The following CDKAL1 variants were observed in gnomAD, a reference collection of about 807,000 sequenced individuals.
CDKAL1 encodes the protein threonylcarbamoyladenosine tRNA methylthiotransferase.
CDKAL1 carries 32 observed loss-of-function variants against 68.2 expected under a neutral mutation model. The observed-to-expected ratio is 0.47, with a 90% CI of 0.35 to 0.63. The LOEUF is 0.63. Among genes scored for constraint, CDKAL1 ranks in the 30% least tolerant of loss-of-function variants. CDKAL1 has a pLI of 0.00. For synonymous variants in CDKAL1, 234 were observed against 244.3 expected, an observed-to-expected ratio of 0.96 and a Z score of 0.39; for missense variants, 606 against 696.7, an observed-to-expected ratio of 0.87 and a Z score of 1.47.
chr6:21,145,111 A>C (rs1776104407), intron 13 of CDKAL1, among the ~76,000 whole-genome samples: 2 of 152,170 alleles, frequency 1.3e-5, no homozygotes, highest in Non-Finnish European at 1.5e-5. Context: ...GCTGGGTGGC[A>C]TGGAGCTCAT....
intron 13 of CDKAL1, among the ~76,000 whole-genome samples, chr6:21,188,075 G>T (rs1344620911): frequency 6.6e-6 from 1 of 152,018 alleles, no homozygotes; most frequent in African/African-American, 2.4e-5. Flanking sequence ...TTGTTTTTCT[G>T]TTGGGAACAT....
At chr6:20,868,473 G>A (rs893373374) in intron 9 of CDKAL1, among the ~76,000 whole-genome samples, 1 of 152,212 alleles carries the variant, frequency 6.6e-6, no homozygotes, top group African/African-American at 2.4e-5. Context: ...ACTTATTTCA[G>A]TATGTCCTTG....
At chr6:20,999,701 G>A (rs1767326209) in intron 10 of CDKAL1, among the ~76,000 whole-genome samples, 1 of 142,504 alleles carries the variant, frequency 7.0e-6, no homozygotes, top group Non-Finnish European at 1.5e-5. Flanking sequence ...AGAAACAGGT[G>A]AGTTGTAGAG....
At chr6:20,862,435 C>A (rs1031984225) in intron 9 of CDKAL1, among the ~76,000 whole-genome samples, 1 of 152,168 alleles carries the variant, frequency 6.6e-6, no homozygotes, top group South Asian at 2.1e-4. Context: ...AAGGATAAAG[C>A]ATACTTACTA....
At chr6:20,837,937 TTGTGTGTGTGTGTGTGTGTGTGTGTGTG>T (rs531904726) in intron 8 of CDKAL1, among the ~76,000 whole-genome samples, 1 of 123,174 alleles carries the variant, frequency 8.1e-6, no homozygotes, top group Non-Finnish European at 1.7e-5. Flanking sequence ...TGGGAAGAAA[TTGTGTGTGTGTGTGTGTGTGTGTGTGTG>T]TGTGTGTGTG....
chr6:20,802,271 C>G (rs1776396561), intron 8 of CDKAL1, among the ~76,000 whole-genome samples: 1 of 150,876 alleles, frequency 6.6e-6, no homozygotes, highest in African/African-American at 2.4e-5. Context: ...GCACTCCAGC[C>G]TGGCAACAAA....
In CDKAL1 at chr6:21,178,652, A is replaced by T. The variant is rs570212661; in HGVS notation, c.1300-19369A>T. Among the ~76,000 whole-genome samples the T allele has an allele frequency of 5.9e-5, 9 of 152,310 alleles. 1 individual carries two copies. The South Asian group carries it at 1.7e-3, about 28-fold the overall frequency. ...AATGATCCCCCCACAAAAGTTTCCA[A>T]ATTATAACTTAGTCTCTTGTACCAC... On this transcript the variant is annotated intron_variant, in intron 13 of 15. Coordinates refer to ENST00000274695, the MANE Select transcript of CDKAL1 (RefSeq NM_017774.3).
chr6:20,745,191 A>G (rs1449709907), intron 6 of CDKAL1, among the ~76,000 whole-genome samples: 5 of 152,224 alleles, frequency 3.3e-5, no homozygotes, highest in Non-Finnish European at 7.3e-5. Context: ...CTAATCTCGA[A>G]AAGTGAAACA....
intron 7 of CDKAL1, among the ~76,000 whole-genome samples, chr6:20,761,864 T>G (rs1774483462): frequency 6.6e-6 from 1 of 152,186 alleles, no homozygotes; most frequent in Non-Finnish European, 1.5e-5. Flanking sequence ...ATATATTTGT[T>G]TAAATCCTTA....
intron 4 of CDKAL1, among the ~76,000 whole-genome samples, chr6:20,644,868 C>G (rs936132315): frequency 6.6e-6 from 1 of 152,158 alleles, no homozygotes; most frequent in Non-Finnish European, 1.5e-5. Flanking sequence ...GGAATTTGTT[C>G]TGAGAAATGT....
chr6:20,753,444 T>C (rs1270095675), intron 6 of CDKAL1, among the ~76,000 whole-genome samples: 5 of 152,208 alleles, frequency 3.3e-5, no homozygotes, highest in African/African-American at 9.6e-5. Flanking sequence ...TTCTTACCAT[T>C]GTGTATCAGC....
chr6:20,542,239 G>C (rs1224792006), intron 2 of CDKAL1, among the ~76,000 whole-genome samples: 2 of 152,224 alleles, frequency 1.3e-5, no homozygotes, highest in African/African-American at 4.8e-5. Context: ...AAATTCATCA[G>C]AAAGCTTTGA....
chr6:20,649,558 T>C (rs965431976), intron 5 of CDKAL1, among the ~76,000 whole-genome samples, 181 bp downstream of exon 5: 5 of 152,230 alleles, frequency 3.3e-5, no homozygotes, highest in Non-Finnish European at 4.4e-5. Flanking sequence ...TTTTATTTTT[T>C]ATTTTTAAAT....
intron 5 of CDKAL1, among the ~76,000 whole-genome samples, chr6:20,649,798 TGTAA>T (rs1460137910): frequency 6.6e-6 from 1 of 152,170 alleles, no homozygotes; most frequent in Non-Finnish European, 1.5e-5. Flanking sequence ...AGCTCCCACT[TGTAA>T]GTGAGAACAT....
intron 6 of CDKAL1, among the ~76,000 whole-genome samples, chr6:20,753,356 T>C (rs1581511387): frequency 6.6e-6 from 1 of 152,104 alleles, no homozygotes; most frequent in African/African-American, 2.4e-5. Flanking sequence ...TAACAAACTT[T>C]AATCAATGAT....
intron 9 of CDKAL1, among the ~76,000 whole-genome samples, chr6:20,886,306 A>G (rs939524962): frequency 1.3e-5 from 2 of 152,234 alleles, no homozygotes; most frequent in Non-Finnish European, 2.9e-5. Flanking sequence ...AAAATGGTGC[A>G]GCTACTGTGG....
intron 12 of CDKAL1, among the ~76,000 whole-genome samples, chr6:21,081,518 G>A (rs1426130256): frequency 6.6e-6 from 1 of 151,214 alleles, no homozygotes; most frequent in Non-Finnish European, 1.5e-5. Flanking sequence ...AACTTTAGAA[G>A]TGAGTAGACT....
At chr6:20,602,853 T>A (rs1038204421) in intron 4 of CDKAL1, among the ~76,000 whole-genome samples, 2 of 152,212 alleles carry the variant, frequency 1.3e-5, no homozygotes, top group African/African-American at 4.8e-5. Context: ...ACCATATTCA[T>A]TGTATGCTTT....
intron 9 of CDKAL1, among the ~76,000 whole-genome samples, chr6:20,928,044 C>T (rs1291100818): frequency 6.6e-6 from 1 of 152,118 alleles, no homozygotes; most frequent in Non-Finnish European, 1.5e-5. Context: ...TCTTATGTAG[C>T]TTTAACCAAC....
Sources: gnomAD v4.1 joint callset for allele counts (sites outside exome capture counted in the v4.1 genomes callset) on GRCh38, gnomAD v4.1.1 for gene constraint, MANE v1.5 for transcripts, NCBI Gene and HGNC (gene_info 2026-07-23, HGNC 2026-07-21) for gene names.